The following CSGALNACT1 variants were observed in gnomAD, a reference collection of about 807,000 sequenced individuals.
The protein encoded by CSGALNACT1 is chondroitin sulfate N-acetylgalactosaminyltransferase 1, also known as beta4GalNAcT-1.
Under a neutral mutation model 51.0 loss-of-function variants are expected in CSGALNACT1, and 52 were observed. The observed-to-expected ratio is 1.02, with a 90% CI of 0.82 to 1.29. CSGALNACT1 has a LOEUF of 1.29. CSGALNACT1 is among the 50% of genes most tolerant of loss of function. The pLI is 0.00. For missense variants in CSGALNACT1, 935 were observed against 679.2 expected, an observed-to-expected ratio of 1.38 and a Z score of -4.19; for synonymous variants, 341 against 254.4, an observed-to-expected ratio of 1.34 and a Z score of -3.24.
chr8:19,590,840 G>A lies in CSGALNACT1; in HGVS notation c.-297+320C>T, dbSNP rs144690796. On this transcript the variant is annotated intron_variant, in intron 3 of 9. Coordinates refer to ENST00000454498, the Ensembl canonical transcript of CSGALNACT1. ...AATTTTTTGTATTTTTAGTAGAGACGGGGTTTCACCATGTTGGCCAGGCTG... is the reference window on the plus strand; with the variant it reads ...AATTTTTTGTATTTTTAGTAGAGACAGGGTTTCACCATGTTGGCCAGGCTG... Among the ~76,000 whole-genome samples, 930 of 151,554 alleles carry A rather than the reference G, an allele frequency of 6.1e-3. 5 individuals carry two copies. Among genetic ancestry groups the A allele is most frequent in the Middle Eastern group, 0.01 (3 of 294 alleles).
At position 19,652,827 on chromosome 8, in the gene CSGALNACT1, G is replaced by T. The variant is rs761172658; in HGVS notation, c.-544+29646C>A. 3.3e-5 allele frequency among the ~76,000 whole-genome samples: 5 copies of T among 152,046 alleles called. No individual in the cohort carries two copies. The East Asian group carries it at 9.7e-4, about 29-fold the overall frequency. ...ACATACTTGACTTCTCCGCAGCAAC[G>T]GAAACTACTGACTTTCCTCCAAACT... On this transcript the variant is annotated intron_variant, in intron 1 of 9. Transcript: ENST00000332246.
At chr8:19,575,213 C>G (rs1483212478) in intron 3 of CSGALNACT1, among the ~76,000 whole-genome samples, 1 of 152,132 alleles carries the variant, frequency 6.6e-6, no homozygotes, top group Non-Finnish European at 1.5e-5. Context: ...TCTGAAGAGG[C>G]TGAACATTGT....
chr8:19,535,123 A>C (rs1255983957), intron 3 of CSGALNACT1, among the ~76,000 whole-genome samples: 1 of 152,250 alleles, frequency 6.6e-6, no homozygotes, highest in Non-Finnish European at 1.5e-5. Context: ...GGTTCCTAAC[A>C]CATTTAAACA....
chr8:19,680,642 A>G (rs1357218276), intron 1 of CSGALNACT1, among the ~76,000 whole-genome samples: 1 of 147,878 alleles, frequency 6.8e-6, no homozygotes, highest in Admixed American at 7.0e-5. Context: ...TAGCTCTTAC[A>G]CTGTGTTAGG....
At chr8:19,562,327 G>C (rs2040930283) in intron 3 of CSGALNACT1, among the ~76,000 whole-genome samples, 1 of 151,982 alleles carries the variant, frequency 6.6e-6, no homozygotes, top group South Asian at 2.1e-4. Flanking sequence ...CTTTTACATA[G>C]AATAGTAATG....
chr8:19,725,527 C>T (rs192904810), intron 1 of CSGALNACT1, among the ~76,000 whole-genome samples: 4 of 150,248 alleles, frequency 2.7e-5, no homozygotes, highest in South Asian at 2.1e-4. Context: ...CGGTTTCAAG[C>T]GATTCTCCTG....
chr8:19,617,410 G>C (rs903167517), intron 1 of CSGALNACT1, among the ~76,000 whole-genome samples: 2 of 152,084 alleles, frequency 1.3e-5, no homozygotes, highest in African/African-American at 4.8e-5. Flanking sequence ...CCTAGTCTCA[G>C]GTATTCCTTT....
intron 1 of CSGALNACT1, among the ~76,000 whole-genome samples, chr8:19,625,553 C>T (rs1243696358): frequency 6.6e-6 from 1 of 152,164 alleles, no homozygotes; most frequent in Non-Finnish European, 1.5e-5. Flanking sequence ...GGTGCCTGAG[C>T]CTCACACCTT....
At chr8:19,667,040 GAAGA>G (rs1177939899) in intron 1 of CSGALNACT1, among the ~76,000 whole-genome samples, 623 of 34,638 alleles carry the variant, frequency 0.018, 7 homozygotes, top group East Asian at 0.021. Flanking sequence ...AGGAAGGAAG[GAAGA>G]AAGAAAGAAA....
intron 4 of CSGALNACT1, among the ~76,000 whole-genome samples, chr8:19,473,668 A>G (rs2068733398): frequency 6.6e-6 from 1 of 152,260 alleles, no homozygotes; most frequent in African/African-American, 2.4e-5. Context: ...TACTTCAAGA[A>G]AAGTCAAAAG....
intron 4 of CSGALNACT1, among the ~76,000 whole-genome samples, chr8:19,462,212 C>T (rs564874399): frequency 3.9e-5 from 6 of 152,348 alleles, no homozygotes; most frequent in East Asian, 1.9e-4. Context: ...CAGGTCTCCC[C>T]GTGTGGGTGA....
chr8:19,546,020 GGTCATACAGTT>G (rs1191522890), intron 3 of CSGALNACT1, among the ~76,000 whole-genome samples: 2 of 151,752 alleles, frequency 1.3e-5, no homozygotes, highest in African/African-American at 4.8e-5. Context: ...AGAAAATTTA[GGTCATACAGTT>G]GTCATACCAT....
intron 4 of CSGALNACT1, among the ~76,000 whole-genome samples, chr8:19,478,211 G>A (rs373719009): frequency 7.2e-5 from 11 of 151,978 alleles, no homozygotes; most frequent in African/African-American, 2.7e-4. Flanking sequence ...TCAGGAGATC[G>A]AGACCATCCT....
chr8:19,526,847 A>G (rs1481274214), intron 3 of CSGALNACT1, among the ~76,000 whole-genome samples: 2 of 152,146 alleles, frequency 1.3e-5, no homozygotes, highest in Non-Finnish European at 2.9e-5. Context: ...TTTTGCAACT[A>G]AAATTATCAA....
chr8:19,605,664 A>G (rs1205710797), upstream of CSGALNACT1, among the ~76,000 whole-genome samples: 1 of 152,164 alleles, frequency 6.6e-6, no homozygotes, highest in East Asian at 1.9e-4. Context: ...GAAACCATCC[A>G]TGGAAAAATC....
chr8:19,463,509 G>C (rs185829366), intron 4 of CSGALNACT1, among the ~76,000 whole-genome samples: 8 of 152,178 alleles, frequency 5.3e-5, no homozygotes, highest in South Asian at 4.1e-4. Context: ...TTGGGCATGG[G>C]GGGAGGGGTG....
At chr8:19,560,696 A>G (rs548921373) in intron 3 of CSGALNACT1, among the ~76,000 whole-genome samples, 3 of 152,378 alleles carry the variant, frequency 2.0e-5, no homozygotes, top group South Asian at 4.1e-4. Context: ...TCATTCTGCA[A>G]CAAAACAAAG....
intron 3 of CSGALNACT1, among the ~76,000 whole-genome samples, chr8:19,532,355 A>C (rs2082940919): frequency 6.6e-6 from 1 of 152,134 alleles, no homozygotes; most frequent in Non-Finnish European, 1.5e-5. Context: ...AGGAACAATT[A>C]GGGGTGACTG....
exon 4 of CSGALNACT1, chr8:19,505,677 C>G: frequency 6.2e-7 from 1 of 1,614,162 alleles, no homozygotes; most frequent in Non-Finnish European, 8.5e-7. Context: ...CCCCTCCTTC[C>G]CCGTGGGGCT....
Sources: allele counts gnomAD v4.1 joint callset (sites outside exome capture counted in the v4.1 genomes callset), GRCh38; gene constraint gnomAD v4.1.1; transcripts MANE v1.5; gene names NCBI Gene and HGNC (gene_info 2026-07-23, HGNC 2026-07-21).